VWA8: variants seen among roughly 807,000 people sequenced by gnomAD.
The protein encoded by VWA8 is von Willebrand factor A domain containing 8, also known as von Willebrand factor A domain-containing protein 8.
In VWA8, 221 loss-of-function variants were observed where a neutral mutation model predicts 241.5. The observed-to-expected ratio is 0.91, with a 90% CI of 0.82 to 1.02. The LOEUF (loss-of-function observed/expected upper bound fraction) is 1.02. Among genes scored for constraint, VWA8 ranks in the 50% least tolerant of loss-of-function variants. The pLI is 0.00. For missense variants in VWA8, 2,322 were observed against 2,328.7 expected (o/e 1.00, Z 0.06); for synonymous variants, 852 against 827.1 (o/e 1.03, Z -0.52).
chr13:41,931,153 GAA>G (rs78987239), intron 2 of VWA8, among the ~76,000 whole-genome samples: 9 of 78,726 alleles, frequency 1.1e-4, no homozygotes, highest in Admixed American at 2.8e-4. Context: ...CGTCTCAGGG[GAA>G]AAAAAAAAAA....
intron 40 of VWA8, among the ~76,000 whole-genome samples, chr13:41,592,266 T>C (rs1487565869): frequency 4.1e-5 from 5 of 122,788 alleles, no homozygotes; most frequent in Non-Finnish European, 8.0e-5. Context: ...AATTGAACAA[T>C]GAGATCACAT....
intron 20 of VWA8, among the ~76,000 whole-genome samples, chr13:41,770,901 C>CAAAAA (rs71096541): frequency 3.0e-5 from 3 of 98,386 alleles, no homozygotes; most frequent in Non-Finnish European, 4.0e-5. Context: ...CTTAAAATGA[C>CAAAAA]AAAAAAAAAA....
chr13:41,768,091 G>A (rs943142831), intron 20 of VWA8, among the ~76,000 whole-genome samples: 5 of 152,220 alleles, frequency 3.3e-5, no homozygotes, highest in African/African-American at 1.2e-4. Flanking sequence ...ATAAAAATGA[G>A]TGCCACTGTA....
At chr13:41,628,620 T>TTTTTGCAGCAACATGA (rs2139672825) in intron 37 of VWA8, among the ~76,000 whole-genome samples, 1 of 152,280 alleles carries the variant, frequency 6.6e-6, no homozygotes, top group East Asian at 1.9e-4. Flanking sequence ...AAAATCATGT[T>TTTTTGCAGCAACATGA]TTTTGCAGCA....
chr13:41,592,562 T>C lies in VWA8; in HGVS notation c.4987-1797A>G, dbSNP rs2044462918. On this transcript the variant is annotated intron_variant, in intron 40 of 44. Transcript: ENST00000379310. Reference sequence around the variant, plus strand: ...AATTTAGTAAAGATCTTTACTCTTATTTGTTTTGAAAAAAAAAAAAAGACG... The same window carrying C: ...AATTTAGTAAAGATCTTTACTCTTACTTGTTTTGAAAAAAAAAAAAAGACG... Among the ~76,000 whole-genome samples, 3 of 149,626 alleles carry C rather than the reference T, an allele frequency of 2.0e-5. No homozygotes were observed. In the South Asian group the frequency reaches 6.3e-4, roughly 31 times the overall value.
chr13:41,767,417 C>T (rs539473688), intron 20 of VWA8, among the ~76,000 whole-genome samples: 1 of 152,104 alleles, frequency 6.6e-6, no homozygotes, highest in African/African-American at 2.4e-5. Context: ...AATAGAGAGG[C>T]CTTAGACAAG....
At position 41,961,103 on chromosome 13, in the gene VWA8, G is replaced by A. The variant is rs1419751137; in HGVS notation, c.-88C>T. 2.2e-5 allele frequency: 27 copies of A among 1,247,866 alleles called. No individual in the cohort carries two copies. The highest frequency in any genetic ancestry group is 4.1e-5 in the Admixed American group (1 of 24,210). 77.3% of individuals were successfully genotyped at this position (1,247,866 alleles called of 1,614,324 possible). ...GCACCGTGAGGCAGCGCGGAGAAGG[G>A]GACAGGAAGCGGCACCTAGCCGAGT... On this transcript the variant is annotated 5_prime_UTR_variant, in exon 1 of 45. Transcript: ENST00000379310.
intron 37 of VWA8, among the ~76,000 whole-genome samples, chr13:41,618,932 G>A (rs2044639195): frequency 6.6e-6 from 1 of 152,144 alleles, no homozygotes; most frequent in African/African-American, 2.4e-5. Context: ...TGTTCTTTTT[G>A]CTTAGCATTG....
chr13:41,922,219 C>T (rs528984462), intron 2 of VWA8, among the ~76,000 whole-genome samples: 1 of 152,312 alleles, frequency 6.6e-6, no homozygotes, highest in South Asian at 2.1e-4. Flanking sequence ...GCTAGGAAAA[C>T]TGGCTAGCCA....
chr13:41,783,932 T>C, intron 18 of VWA8, 31 bp from the exon 19 acceptor site: 6 of 1,562,122 alleles, frequency 3.8e-6, no homozygotes, highest in Non-Finnish European at 5.3e-6. Flanking sequence ...GGATAATTAT[T>C]CATAGCACTG....
In VWA8 at chr13:41,887,367, A is replaced by C. The variant is rs191543897; in HGVS notation, c.652-6T>G. ...AACTCTTTTTTGGTATGATCCTATAAAAGTAAGAGATCCGGAAGCTATAGC... is the reference window on the plus strand; with the variant it reads ...AACTCTTTTTTGGTATGATCCTATACAAGTAAGAGATCCGGAAGCTATAGC... On this transcript the variant is annotated splice_polypyrimidine_tract_variant and splice_region_variant and intron_variant, in intron 5 of 44. Transcript: ENST00000379310. The C allele has an allele frequency of 9.0e-4, 1,447 of 1,605,456 alleles. 6 individuals are homozygous for C. Among genetic ancestry groups the C allele is most frequent in the Non-Finnish European group, 6.4e-4 (749 of 1,177,488 alleles).
intron 5 of VWA8, among the ~76,000 whole-genome samples, chr13:41,887,655 AG>A (rs1236131090): frequency 6.6e-6 from 1 of 152,202 alleles, no homozygotes; most frequent in Non-Finnish European, 1.5e-5. Context: ...GAAAACAGTC[AG>A]GGGGTAAGGA....
chr13:41,586,899 C>T (rs1002191535), intron 42 of VWA8, among the ~76,000 whole-genome samples: 1 of 152,132 alleles, frequency 6.6e-6, no homozygotes, highest in African/African-American at 2.4e-5. Flanking sequence ...AGTGCAGGTG[C>T]TCTCTGTGGC....
At chr13:41,821,207 T>C (rs1386586951) in intron 14 of VWA8, among the ~76,000 whole-genome samples, 2 of 152,212 alleles carry the variant, frequency 1.3e-5, no homozygotes, top group African/African-American at 2.4e-5. Context: ...CTGGCCCATA[T>C]ATTGTCAATA....
intron 1 of VWA8, 113 bp from the exon 2 acceptor site, chr13:41,950,126 C>T (rs1266129683): frequency 1.0e-5 from 6 of 575,322 alleles, no homozygotes; most frequent in Admixed American, 3.4e-5. Flanking sequence ...AAATGTACTA[C>T]GCAGCTGTCT....
At chr13:41,762,631 G>A (rs2045748846) in intron 20 of VWA8, among the ~76,000 whole-genome samples, 1 of 152,202 alleles carries the variant, frequency 6.6e-6, no homozygotes, top group South Asian at 2.1e-4. Flanking sequence ...ATGGTATACA[G>A]CAACAATAGC....
intron 40 of VWA8, among the ~76,000 whole-genome samples, chr13:41,593,567 T>C (rs2044470216): frequency 6.6e-6 from 1 of 152,206 alleles, no homozygotes; most frequent in African/African-American, 2.4e-5. Context: ...GCACCAGTGA[T>C]TGGGACTTAG....
At chr13:41,901,913 T>TAC (rs3073095) in intron 4 of VWA8, among the ~76,000 whole-genome samples, 25 of 64,008 alleles carry the variant, frequency 3.9e-4, no homozygotes, top group African/African-American at 6.6e-4. Flanking sequence ...TATATATATA[T>TAC]ACACACACAT....
intron 39 of VWA8, among the ~76,000 whole-genome samples, chr13:41,605,538 A>G (rs530976205): frequency 6.6e-6 from 1 of 152,274 alleles, no homozygotes; most frequent in Admixed American, 6.5e-5. Flanking sequence ...CCATGATGTA[A>G]ACATTGCCAC....
Sources: allele counts gnomAD v4.1 joint callset (sites outside exome capture counted in the v4.1 genomes callset), GRCh38; gene constraint gnomAD v4.1.1; transcripts MANE v1.5; gene names NCBI Gene and HGNC (gene_info 2026-07-23, HGNC 2026-07-21).